Variants in CTNNA2 observed in about 807,000 individuals in gnomAD.
CTNNA2 encodes catenin alpha 2.
CTNNA2 carries 42 observed loss-of-function variants against 101.0 expected under a neutral mutation model. That is an observed-to-expected ratio of 0.42 (90% CI 0.32 to 0.54). CTNNA2 has a LOEUF of 0.54. Among genes scored for constraint, CTNNA2 ranks in the 20% least tolerant of loss-of-function variants. CTNNA2 has a pLI of 0.14. For synonymous variants in CTNNA2, 450 were observed against 456.4 expected (o/e 0.99, Z 0.18); for missense variants, 871 against 1,223.1 (o/e 0.71, Z 4.29).
At chr2:79,340,548 A>C (rs1430722553) in intron 3 of CTNNA2, among the ~76,000 whole-genome samples, 8 of 152,152 alleles carry the variant, frequency 5.3e-5, no homozygotes, top group African/African-American at 1.9e-4. Flanking sequence ...AAAGGAATAC[A>C]TGAGGCCGGG....
At chr2:79,871,014 T>C (rs183307997) in intron 5 of CTNNA2, among the ~76,000 whole-genome samples, 3 of 152,342 alleles carry the variant, frequency 2.0e-5, no homozygotes, top group Admixed American at 2.0e-4. Context: ...ATACCTTTAG[T>C]ATTTTGTTCC....
intron 7 of CTNNA2, among the ~76,000 whole-genome samples, chr2:80,087,849 T>A (rs941999926): frequency 1.3e-5 from 2 of 151,942 alleles, no homozygotes; most frequent in African/African-American, 4.8e-5. Context: ...TAAGGCAGAC[T>A]TGGTTTATTC....
At chr2:79,985,322 C>T (rs1217865399) in intron 7 of CTNNA2, among the ~76,000 whole-genome samples, 1 of 152,234 alleles carries the variant, frequency 6.6e-6, no homozygotes, top group East Asian at 1.9e-4. Flanking sequence ...TTCCTTTACA[C>T]TGATGCCTCA....
chr2:80,065,150 T>G (rs781228476), intron 7 of CTNNA2, among the ~76,000 whole-genome samples: 4 of 151,948 alleles, frequency 2.6e-5, no homozygotes, highest in Non-Finnish European at 5.9e-5. Flanking sequence ...AATAGACCCA[T>G]GGAAAACTAT....
chr2:80,564,113 C>T (rs183106088), intron 12 of CTNNA2, among the ~76,000 whole-genome samples: 7 of 152,212 alleles, frequency 4.6e-5, no homozygotes, highest in East Asian at 3.9e-4. Flanking sequence ...CTCCTTAAAT[C>T]GCATACTTAA....
chr2:80,402,907 T>G (rs1398565096), intron 8 of CTNNA2, among the ~76,000 whole-genome samples: 2 of 151,632 alleles, frequency 1.3e-5, no homozygotes. Context: ...TGCTTCTTAT[T>G]GTAGGGCTTG....
intron 3 of CTNNA2, among the ~76,000 whole-genome samples, chr2:79,324,686 G>C (rs1676703358): frequency 6.6e-6 from 1 of 151,862 alleles, no homozygotes; most frequent in African/African-American, 2.4e-5. Flanking sequence ...GTCCCAGTAG[G>C]TCCCTGAAGG....
At chr2:80,539,982 T>A (rs929942171) in intron 9 of CTNNA2, among the ~76,000 whole-genome samples, 2 of 152,210 alleles carry the variant, frequency 1.3e-5, no homozygotes, top group East Asian at 3.9e-4. Context: ...TGAGCAAGTA[T>A]ATCCCATAAA....
chr2:80,052,538 T>C (rs1696941162), intron 7 of CTNNA2, among the ~76,000 whole-genome samples: 1 of 152,264 alleles, frequency 6.6e-6, no homozygotes, highest in African/African-American at 2.4e-5. Flanking sequence ...AATTGCAGAT[T>C]GCAATGCATG....
At chr2:80,491,431 G>T (rs988572394) in intron 9 of CTNNA2, among the ~76,000 whole-genome samples, 4 of 152,196 alleles carry the variant, frequency 2.6e-5, no homozygotes, top group African/African-American at 4.8e-5. Context: ...AGTTAGACTA[G>T]TTATTGAGTT....
intron 2 of CTNNA2, among the ~76,000 whole-genome samples, chr2:79,711,989 A>C (rs1241080461): frequency 8.5e-5 from 13 of 152,142 alleles, no homozygotes; most frequent in Admixed American, 3.3e-4. Flanking sequence ...GCTACTTTTC[A>C]CTCAGAGCTA....
chr2:79,335,783 TC>T (rs1676981529), intron 3 of CTNNA2, among the ~76,000 whole-genome samples: 1 of 152,166 alleles, frequency 6.6e-6, no homozygotes, highest in African/African-American at 2.4e-5. Flanking sequence ...AACAGCTCAA[TC>T]TATGTAAGCA....
intron 17 of CTNNA2, among the ~76,000 whole-genome samples, chr2:80,618,281 G>A (rs947518067): frequency 2.6e-5 from 4 of 151,786 alleles, no homozygotes; most frequent in Non-Finnish European, 5.9e-5. Flanking sequence ...GAGTGACAGT[G>A]CATTTTTTTA....
chr2:79,285,068 C>T (rs1272317778), intron 2 of CTNNA2, among the ~76,000 whole-genome samples: 4 of 147,882 alleles, frequency 2.7e-5, no homozygotes, highest in African/African-American at 1.0e-4. Flanking sequence ...GTAGTATTCT[C>T]TGATGGTAGT....
At chr2:79,213,698 G>A (rs185249520) in intron 2 of CTNNA2, among the ~76,000 whole-genome samples, 133 of 152,278 alleles carry the variant, frequency 8.7e-4, no homozygotes, top group African/African-American at 3.1e-3. Context: ...GGTCAGCTGT[G>A]GTATCCAGAA....
intron 3 of CTNNA2, among the ~76,000 whole-genome samples, chr2:79,829,696 A>T (rs200000743): frequency 0.12 from 893 of 7,264 alleles, 13 homozygotes; most frequent in Admixed American, 0.31. Flanking sequence ...TTTCTTTCTT[A>T]TTTATTTATT....
At chr2:80,370,245 A>T (rs116009356) in intron 7 of CTNNA2, among the ~76,000 whole-genome samples, 1 of 146,280 alleles carries the variant, frequency 6.8e-6, no homozygotes, top group Admixed American at 6.9e-5. Context: ...ATATGAACAT[A>T]TTTGAGTGGT....
chr2:80,528,858 T>G (rs1690273740), intron 9 of CTNNA2, among the ~76,000 whole-genome samples: 2 of 152,146 alleles, frequency 1.3e-5, no homozygotes, highest in African/African-American at 4.8e-5. Flanking sequence ...TTCTCAAACT[T>G]TGTAGCTCTT....
intron 2 of CTNNA2, among the ~76,000 whole-genome samples, chr2:79,222,581 A>G (rs4853443): frequency 0.82 from 125,268 of 152,124 alleles, 51,998 homozygotes; most frequent in East Asian, 0.99. Context: ...ATAGATCAAT[A>G]CTTGCACATA....
Sources: gnomAD v4.1 joint callset for allele counts (sites outside exome capture counted in the v4.1 genomes callset) on GRCh38, gnomAD v4.1.1 for gene constraint, MANE v1.5 for transcripts, NCBI Gene and HGNC (gene_info 2026-07-23, HGNC 2026-07-21) for gene names.